GALNT15: variants seen among roughly 807,000 people sequenced by gnomAD.
The protein encoded by GALNT15 is UDP-GalNAc transferase T15.
In GALNT15, 67 loss-of-function variants were observed where a neutral mutation model predicts 66.8. The ratio of observed to expected loss-of-function variants is 1.00; its 90% confidence interval spans 0.82 to 1.23. The LOEUF is 1.23. Among genes scored for constraint, GALNT15 ranks in the 50% most tolerant of loss-of-function variants. The pLI is 0.00. For missense variants in GALNT15, 827 were observed against 804.3 expected (o/e 1.03, Z -0.34); for synonymous variants, 313 against 311.5 (o/e 1.00, Z -0.05).
rs2063503403 is a variant in GALNT15, at chr3:16,184,955, G to T, written c.539+9265G>T. ...TAGGGGTTAATTTTCCAGCTCTTCA[G>T]GGATGCTCTGACTGGGGAAATCACA... On this transcript the variant is annotated intron_variant, in intron 1 of 9. Transcript: ENST00000339732. This position sits in a 1 kb window ranked among gnomAD's most constrained non-coding sequence, Gnocchi z 5.0. Among the ~76,000 whole-genome samples the T allele has an allele frequency of 1.3e-5, 2 of 152,210 alleles. No individual in the cohort carries two copies. The highest frequency in any genetic ancestry group is 4.8e-5 in the African/African-American group (2 of 41,458).
At position 16,195,816 on chromosome 3, in the gene GALNT15, T is replaced by G; in HGVS notation, c.596T>G (p.Phe199Cys). 6.2e-7 allele frequency: 1 copy of G among 1,613,938 alleles called. No homozygotes were observed. The highest frequency in any genetic ancestry group is 1.3e-5 in the African/African-American group (1 of 75,014). Residue 199 changes from phenylalanine (F) to cysteine (C), a missense_variant, in exon 2 of 10, where the codon TTC becomes TGC. Phe to Cys is a radical substitution (Grantham distance 205). Coordinates refer to ENST00000339732, the MANE Select transcript of GALNT15 (RefSeq NM_054110.5). This position sits in a 1 kb window ranked among gnomAD's most constrained non-coding sequence, Gnocchi z 4.6. ...SLPTASVILC[F>C]HDEAWSTLLR... ...CCCACAGCCAGCGTCATCCTCTGTT[T>G]CCATGATGAGGCCTGGTCCACTCTC...
rs1483262399 is a variant in GALNT15, at chr3:16,203,642, T to C, written c.911+2819T>C. Among the ~76,000 whole-genome samples the C allele has an allele frequency of 6.6e-6, 1 of 151,672 alleles. No individual in the cohort carries two copies. The highest frequency in any genetic ancestry group is 6.6e-5 in the Admixed American group (1 of 15,228). On this transcript the variant is annotated intron_variant, in intron 3 of 9. Coordinates refer to ENST00000339732, the MANE Select transcript of GALNT15 (RefSeq NM_054110.5). The surrounding 1 kb of genome is among the most constrained non-coding windows in gnomAD (Gnocchi z 6.2). ...GGCTTGCCTTCCTCTTTGGGTTCCA[T>C]CTCTTCTGCGTGATGTGACCACATT...
chr3:16,232,538 A>C (rs2064095754), downstream of GALNT15, among the ~76,000 whole-genome samples: 4 of 126,364 alleles, frequency 3.2e-5, no homozygotes, highest in Admixed American at 8.4e-5. Context: ...TAATGTGAGA[A>C]TGTTGAGCTC....
At chr3:16,247,296 C>T in the GALNT15 span, among the ~76,000 whole-genome samples, 1 of 152,200 alleles carries the variant, frequency 6.6e-6, no homozygotes, top group Non-Finnish European at 1.5e-5. Context: ...GTGCTTAGCA[C>T]ATGTCTTTTC....
chr3:16,203,543 T>TCACACA lies in GALNT15; in HGVS notation c.911+2761_911+2766dup, dbSNP rs1164976010. On this transcript the variant is annotated intron_variant, in intron 3 of 9. Transcript: ENST00000339732. This position sits in a 1 kb window ranked among gnomAD's most constrained non-coding sequence, Gnocchi z 6.2. ...CATTCTCTCTCTCTCTCTCTCTCTCTCACACACACACACACACACACACAC... is the reference window on the plus strand; with the variant it reads ...CATTCTCTCTCTCTCTCTCTCTCTCTCACACACACACACACACACACACACACACAC... 0.021 allele frequency among the ~76,000 whole-genome samples: 1,258 copies of TCACACA among 61,046 alleles called. 17 individuals carry two copies. Among genetic ancestry groups the TCACACA allele is most frequent in the Non-Finnish European group, 0.026 (725 of 28,136 alleles). The allele number at this position is 61,046 out of a possible 152,430, so 40.0% of individuals were successfully genotyped here. A position where few individuals can be genotyped will look rare whatever the true frequency, so the allele number is the denominator to read the frequency against.
chr3:16,207,084 T>G (rs1270808729), intron 3 of GALNT15, among the ~76,000 whole-genome samples: 1 of 152,190 alleles, frequency 6.6e-6, no homozygotes, highest in Non-Finnish European at 1.5e-5. Context: ...AAAAGCATAT[T>G]AAGATCCTTG....
At chr3:16,245,723 C>T in the GALNT15 span, among the ~76,000 whole-genome samples, 1 of 152,300 alleles carries the variant, frequency 6.6e-6, no homozygotes, top group South Asian at 2.1e-4. Context: ...AGCTGGGCCT[C>T]AGGGGAAAAG....
intron 1 of GALNT15, among the ~76,000 whole-genome samples, chr3:16,178,155 A>G (rs1035823438): frequency 2.0e-5 from 3 of 152,072 alleles, no homozygotes; most frequent in African/African-American, 4.8e-5. Flanking sequence ...TGTGAGTGAT[A>G]CATGTGTATA....
rs762648322 is a variant in GALNT15 at position 16,227,446 on chromosome 3, A to G, written c.1866A>G (p.Gly622=). The G allele has an allele frequency of 1.2e-6, 2 of 1,613,976 alleles. No individual in the cohort carries two copies. Among genetic ancestry groups the G allele is most frequent in the East Asian group, 2.2e-5 (1 of 44,890 alleles). Residue 622 remains glycine (G), a synonymous_variant, in exon 10 of 10, where the codon GGA becomes GGG. Transcript: ENST00000339732. The surrounding 1 kb of genome is among the most constrained non-coding windows in gnomAD (Gnocchi z 4.5). ...NKDLYLRPCD[G]KARQQWRFDQ... is the part of the protein sequence containing the mutation. ...ATTTGTACCTGCGTCCGTGTGATGG[A>G]AAAGCCCGCCAGCAGTGGCGTTTTG...
downstream of GALNT15, among the ~76,000 whole-genome samples, chr3:16,230,236 G>T (rs889189028): frequency 6.6e-6 from 1 of 152,118 alleles, no homozygotes; most frequent in Non-Finnish European, 1.5e-5. The surrounding 1 kb of genome is among the most constrained non-coding windows in gnomAD (Gnocchi z 4.5). Context: ...GCAGTCTAGA[G>T]TCCCACACTC....
chr3:16,219,604 T>A lies in GALNT15; in HGVS notation c.1524+70T>A. The A allele has an allele frequency of 6.3e-7, 1 of 1,574,986 alleles. No individual in the cohort carries two copies. Among genetic ancestry groups the A allele is most frequent in the Non-Finnish European group, 8.6e-7 (1 of 1,156,300 alleles). On this transcript the variant is annotated intron_variant, in intron 7 of 9. Coordinates refer to ENST00000339732, the MANE Select transcript of GALNT15 (RefSeq NM_054110.5). This position sits in a 1 kb window ranked among gnomAD's most constrained non-coding sequence, Gnocchi z 4.3. ...CCAAGACAAGAACTAGATGTTCAGC[T>A]CTTCCATGTCCCTGGTCAACCATTC...
In GALNT15 at chr3:16,175,420, T is replaced by A; in HGVS notation, c.269T>A (p.Leu90Gln). 6.2e-7 allele frequency: 1 copy of A among 1,614,126 alleles called. No individual in the cohort carries two copies. Among genetic ancestry groups the A allele is most frequent in the Non-Finnish European group, 8.5e-7 (1 of 1,180,004 alleles). ...PLEGLPPFIS[L>Q]REDQLLVAVA... Reference sequence around the variant, plus strand: ...GAGGGCCTGCCACCCTTTATCTCACTGCGGGAGGATCAGCTGCTGGTGGCC... The same window carrying A: ...GAGGGCCTGCCACCCTTTATCTCACAGCGGGAGGATCAGCTGCTGGTGGCC... Residue 90 changes from leucine (L) to glutamine (Q), a missense_variant, in exon 1 of 10, where the codon CTG becomes CAG. Transcript: ENST00000339732. The surrounding 1 kb of genome is among the most constrained non-coding windows in gnomAD (Gnocchi z 5.6).
chr3:16,227,934 G>A lies in GALNT15; in HGVS notation c.*434G>A, dbSNP rs905929205. 27 of 1,001,916 alleles carry A rather than the reference G, an allele frequency of 2.7e-5. No homozygotes were observed. In the Admixed American group the frequency reaches 4.6e-4, roughly 17 times the overall value. The allele number at this position is 1,001,916 out of a possible 1,614,324, so 62.1% of individuals were successfully genotyped here. Reference sequence around the variant, plus strand: ...CCAACCATGAAAATTAAAGAGTGAAGCAGATGTAATGGCCTGACATTCCAA... The same window carrying A: ...CCAACCATGAAAATTAAAGAGTGAAACAGATGTAATGGCCTGACATTCCAA... On this transcript the variant is annotated 3_prime_UTR_variant, in exon 10 of 10. Coordinates refer to ENST00000339732, the MANE Select transcript of GALNT15 (RefSeq NM_054110.5). This position sits in a 1 kb window ranked among gnomAD's most constrained non-coding sequence, Gnocchi z 4.5.
chr3:16,192,032 A>C (rs1443631391), intron 1 of GALNT15, among the ~76,000 whole-genome samples: 1 of 152,314 alleles, frequency 6.6e-6, no homozygotes, highest in South Asian at 2.1e-4. Flanking sequence ...CTAAAGGGTA[A>C]TTATGGTTAC....
downstream of GALNT15, among the ~76,000 whole-genome samples, chr3:16,235,902 C>T (rs913365375): frequency 2.0e-5 from 3 of 151,630 alleles, no homozygotes; most frequent in Non-Finnish European, 2.9e-5. Context: ...GTCAGGAGTT[C>T]GAGACCAGAC....
intron 6 of GALNT15, among the ~76,000 whole-genome samples, chr3:16,213,183 C>T (rs563652091): frequency 2.0e-5 from 3 of 152,088 alleles, no homozygotes; most frequent in East Asian, 1.9e-4. Flanking sequence ...AGGCCAGGCG[C>T]GGTGGCTCAT....
chr3:16,192,276 CAG>C (rs2063587420), intron 1 of GALNT15, among the ~76,000 whole-genome samples: 3 of 152,168 alleles, frequency 2.0e-5, no homozygotes, highest in Admixed American at 2.0e-4. Flanking sequence ...TGAATTGAGA[CAG>C]AGAAAGGAGC....
intron 3 of GALNT15, among the ~76,000 whole-genome samples, chr3:16,201,325 GCGCC>G (rs1037896792): frequency 3.0e-4 from 46 of 152,234 alleles, no homozygotes; most frequent in Admixed American, 8.5e-4. Context: ...GGGACTACAG[GCGCC>G]CGCCACCACA....
intron 8 of GALNT15, among the ~76,000 whole-genome samples, chr3:16,221,862 G>A (rs1032972833): frequency 6.6e-6 from 1 of 152,206 alleles, no homozygotes; most frequent in African/African-American, 2.4e-5. Context: ...GCAGGGCCCA[G>A]TGCAAGATGA....
Sources: gnomAD v4.1 joint callset for allele counts (sites outside exome capture counted in the v4.1 genomes callset) on GRCh38, gnomAD v4.1.1 for gene constraint, Gnocchi (gnomAD v3.1) non-coding constraint, MANE v1.5 for transcripts, NCBI Gene and HGNC (gene_info 2026-07-23, HGNC 2026-07-21) for gene names.